Variants in ARHGAP21 observed in about 807,000 individuals in gnomAD.
ARHGAP21 encodes the protein rho GTPase-activating protein 21.
Under a neutral mutation model 164.6 loss-of-function variants are expected in ARHGAP21, and 38 were observed. That is an observed-to-expected ratio of 0.23 (90% CI 0.18 to 0.30). The LOEUF is 0.30. ARHGAP21 is among the 10% of genes least tolerant of loss of function. The pLI is 1.00. For synonymous variants in ARHGAP21, 766 were observed against 857.9 expected (o/e 0.89, Z 1.87); for missense variants, 1,822 against 2,370.7 (o/e 0.77, Z 4.81).
At chr10:24,622,440 ATATATATATATATATATATATATATAT>A (rs1834658983) in intron 8 of ARHGAP21, among the ~76,000 whole-genome samples, 1 of 8,596 alleles carries the variant, frequency 1.2e-4, no homozygotes, top group African/African-American at 5.3e-4. Flanking sequence ...AAACATATAT[ATATATATATATATATATATATATATAT>A]ATATATATAT....
At chr10:24,670,488 C>T (rs752059254) in intron 2 of ARHGAP21, 91 bp from the exon 3 acceptor site, 46 of 791,786 alleles carry the variant, frequency 5.8e-5, no homozygotes, top group Middle Eastern at 4.0e-4. Flanking sequence ...AATACCTGAG[C>T]GCCGATATGA....
chr10:24,721,882 C>T lies in ARHGAP21; in HGVS notation c.18G>A (p.Arg6=), dbSNP rs1344824334. ...CACCATCTCCCTCAGACAGACCAGT[C>T]CGACGCGTGGCCATCATTTCATTTC... MMATR[R]TGLSEGDGDK... Residue 6 remains arginine (R), a synonymous_variant, in exon 2 of 26, where the codon CGG becomes CGA. Coordinates refer to ENST00000396432, the MANE Select transcript of ARHGAP21 (RefSeq NM_020824.4). The T allele has an allele frequency of 1.2e-6, 2 of 1,614,224 alleles. No homozygotes were observed. Among genetic ancestry groups the T allele is most frequent in the Non-Finnish European group, 1.7e-6 (2 of 1,180,046 alleles).
At chr10:24,596,911 CAT>C (rs756361735) in intron 16 of ARHGAP21, 29 bp from the exon 17 acceptor site, 2 of 1,579,726 alleles carry the variant, frequency 1.3e-6, no homozygotes, top group East Asian at 4.6e-5. Context: ...AATAAAACAA[CAT>C]AATAAAATGG....
intron 14 of ARHGAP21, 68 bp from the exon 15 acceptor site, chr10:24,598,077 C>A (rs955328648): frequency 2.4e-6 from 3 of 1,271,632 alleles, no homozygotes; most frequent in Admixed American, 1.8e-5. Context: ...TTTTTTGAGG[C>A]TTTCTATTGT....
At chr10:24,654,623 C>T (rs1388556063) in intron 4 of ARHGAP21, among the ~76,000 whole-genome samples, 1 of 152,076 alleles carries the variant, frequency 6.6e-6, no homozygotes, top group Non-Finnish European at 1.5e-5. Context: ...TAAAAGAGGA[C>T]ACAAACAAAT....
chr10:24,607,125 G>A (rs2077059746), intron 11 of ARHGAP21, among the ~76,000 whole-genome samples: 1 of 152,128 alleles, frequency 6.6e-6, no homozygotes, highest in African/African-American at 2.4e-5. Flanking sequence ...TCTATACCAT[G>A]TGTCATTTGT....
chr10:24,657,598 T>A lies in ARHGAP21; in HGVS notation c.268+9387A>T, dbSNP rs374515483. On this transcript the variant is annotated intron_variant, in intron 4 of 25. Coordinates refer to ENST00000396432, the MANE Select transcript of ARHGAP21 (RefSeq NM_020824.4). The stretch of plus-strand genomic sequence containing the variant: ...GGCCAGGATGACAATGGCTGCTTTG[T>A]GGAATAGAAAGGCGGGAAAGGTGGG... Among the ~76,000 whole-genome samples, 78 of 129,376 alleles carry A rather than the reference T, an allele frequency of 6.0e-4. 1 individual carries two copies. In the East Asian group the frequency reaches 0.018, roughly 30 times the overall value. 84.9% of individuals were successfully genotyped at this position (129,376 alleles called of 152,430 possible).
chr10:24,659,431 T>G (rs1720237992), intron 4 of ARHGAP21, among the ~76,000 whole-genome samples: 1 of 152,204 alleles, frequency 6.6e-6, no homozygotes, highest in Admixed American at 6.5e-5. Context: ...TTCTCCTGCC[T>G]CAGCCTTGCG....
intron 2 of ARHGAP21, among the ~76,000 whole-genome samples, chr10:24,684,868 A>G (rs540370915): frequency 1.5e-4 from 23 of 152,152 alleles, no homozygotes; most frequent in Non-Finnish European, 1.9e-4. Flanking sequence ...CGAACTCCTG[A>G]TATCAGGTGA....
Position 24,695,050 on chromosome 10 carries a change from C to CAAAAAAAAAAAAAAAAAAAAAA in ARHGAP21, c.64-24675_64-24654dup, listed in dbSNP as rs570457905. 1.7e-4 allele frequency among the ~76,000 whole-genome samples: 13 copies of CAAAAAAAAAAAAAAAAAAAAAA among 78,504 alleles called. 1 individual carries two copies. Among genetic ancestry groups the CAAAAAAAAAAAAAAAAAAAAAA allele is most frequent in the South Asian group, 5.6e-4 (1 of 1,788 alleles). The allele number at this position is 78,504 out of a possible 152,430, so 51.5% of individuals were successfully genotyped here. A position where few individuals can be genotyped will look rare whatever the true frequency, so the allele number is the denominator to read the frequency against. ...TGGGTAACAGAGCAAAATTCCATCT[C>CAAAAAAAAAAAAAAAAAAAAAA]AAAAAAAAAAAAAAAAAAAAAAAAA... On this transcript the variant is annotated intron_variant, in intron 2 of 25. Coordinates refer to ENST00000396432, the MANE Select transcript of ARHGAP21 (RefSeq NM_020824.4).
At chr10:24,706,859 T>C (rs1292099191) in intron 2 of ARHGAP21, among the ~76,000 whole-genome samples, 1 of 152,244 alleles carries the variant, frequency 6.6e-6, no homozygotes, top group Non-Finnish European at 1.5e-5. Context: ...TGTAAAAGGT[T>C]ATTGCTTTTT....
At position 24,664,549 on chromosome 10, in the gene ARHGAP21, C is replaced by T. The variant is rs1474203329; in HGVS notation, c.268+2436G>A. ...TCAGCCTGTCAACAGAGTGAGATTC[C>T]GTCTCAAAAAAAAAAAATAATAATA... On this transcript the variant is annotated intron_variant, in intron 4 of 25. Coordinates refer to ENST00000396432, the MANE Select transcript of ARHGAP21 (RefSeq NM_020824.4). Among the ~76,000 whole-genome samples the T allele has an allele frequency of 7.5e-5, 11 of 146,852 alleles. 1 individual carries two copies. The South Asian group carries it at 8.6e-4, about 12-fold the overall frequency.
chr10:24,699,216 A>G (rs1843428628), intron 2 of ARHGAP21, among the ~76,000 whole-genome samples: 1 of 152,132 alleles, frequency 6.6e-6, no homozygotes, highest in Non-Finnish European at 1.5e-5. Context: ...TAAATTGGCC[A>G]GCAATTGGGA....
intron 24 of ARHGAP21, chr10:24,590,113 T>C: frequency 8.6e-7 from 1 of 1,156,258 alleles, no homozygotes; most frequent in Non-Finnish European, 1.1e-6. Flanking sequence ...ATTAGGGAAA[T>C]TGGTTTTCAG....
At chr10:24,721,708 C>T (rs1845957486) in intron 2 of ARHGAP21, 129 bp downstream of exon 2, 7 of 1,043,454 alleles carry the variant, frequency 6.7e-6, no homozygotes, top group Non-Finnish European at 8.6e-6. Context: ...AGCTGGGGCG[C>T]TCCCGCCAAC....
Position 24,621,243 on chromosome 10 carries a change from C to T in ARHGAP21, c.652G>A (p.Val218Ile). ...PSAPSAMAQPVEISPPDSSLS... is the reference protein window; with the variant it reads ...PSAPSAMAQPIEISPPDSSLS... Reference sequence around the variant, plus strand: ...GATGAGTCAGGAGGAGATATTTCAACTGGCTGTGCCATGGCTGATGGGGCA... The same window carrying T: ...GATGAGTCAGGAGGAGATATTTCAATTGGCTGTGCCATGGCTGATGGGGCA... Residue 218 changes from valine (V) to isoleucine (I), a missense_variant, in exon 9 of 26, where the codon GTT becomes ATT. This residue lies in a region of ARHGAP21 where 1,090 missense variants were observed against 1,378.9 expected (regional missense o/e 0.79). Transcript: ENST00000396432. 5 of 1,613,904 alleles carry T rather than the reference C, an allele frequency of 3.1e-6. No individual in the cohort carries two copies. Among genetic ancestry groups the T allele is most frequent in the Non-Finnish European group, 4.2e-6 (5 of 1,179,858 alleles).
intron 2 of ARHGAP21, among the ~76,000 whole-genome samples, chr10:24,679,384 A>AT (rs1459510142): frequency 6.6e-6 from 1 of 152,188 alleles, no homozygotes; most frequent in African/African-American, 2.4e-5. Flanking sequence ...CATGAATCCC[A>AT]TTCATGGGGC....
In ARHGAP21 at chr10:24,584,925, C is replaced by G; in HGVS notation, c.5364G>C (p.Val1788=). ...DDMFGVGNHK[V]NAETAKRKSI... ...TTTTCCTTTTAGCAGTCTCGGCATT[C>G]ACTTTGTGATTCCCTACTCCAAACA... Residue 1788 remains valine, a synonymous_variant, in exon 26 of 26, where the codon GTG becomes GTC. Transcript: ENST00000396432. The G allele has an allele frequency of 6.2e-7, 1 of 1,613,912 alleles. No individual in the cohort carries two copies. Among genetic ancestry groups the G allele is most frequent in the Middle Eastern group, 1.7e-4 (1 of 6,056 alleles).
chr10:24,638,289 C>T (rs967998202), intron 4 of ARHGAP21, among the ~76,000 whole-genome samples: 1 of 152,220 alleles, frequency 6.6e-6, no homozygotes, highest in African/African-American at 2.4e-5. Context: ...GCAGATTTCA[C>T]TATGAAATAT....
Sources: allele counts gnomAD v4.1 joint callset (sites outside exome capture counted in the v4.1 genomes callset), GRCh38; gene constraint gnomAD v4.1.1; regional missense constraint gnomAD v4.1.1; transcripts MANE v1.5; gene names NCBI Gene and HGNC (gene_info 2026-07-23, HGNC 2026-07-21).